Variants in SH3RF2 observed in about 807,000 individuals in gnomAD.
SH3RF2 encodes SH3 domain containing ring finger 2, also known as E3 ubiquitin-protein ligase SH3RF2.
SH3RF2 carries 43 observed loss-of-function variants against 59.0 expected under a neutral mutation model. The observed-to-expected ratio is 0.73, with a 90% CI of 0.57 to 0.94. SH3RF2 has a LOEUF of 0.94. SH3RF2 is among the 40% of genes least tolerant of loss of function. The pLI, the probability that SH3RF2 is intolerant of heterozygous loss-of-function variation, is 0.00. For synonymous variants in SH3RF2, 391 were observed against 391.5 expected (o/e 1.00, Z 0.01); for missense variants, 930 against 940.1 (o/e 0.99, Z 0.14).
In SH3RF2 at chr5:146,004,057, G is replaced by A; in HGVS notation, c.649-1G>A. ...GCTGACCATGAGACTTTCTCTTTCA[G>A]GACGATATCATCACTGTGATCAGCC... On this transcript the variant is annotated splice_acceptor_variant, in intron 3 of 9. Transcript: ENST00000359120. LOFTEE classifies it high-confidence loss of function. 6.2e-7 allele frequency: 1 copy of A among 1,611,312 alleles called. No homozygotes were observed. Among genetic ancestry groups the A allele is most frequent in the South Asian group, 1.1e-5 (1 of 90,854 alleles).
At position 146,062,664 on chromosome 5, in the gene SH3RF2, C is replaced by T. The variant is rs960386854; in HGVS notation, c.2153C>T (p.Thr718Ile). Residue 718 changes from threonine to isoleucine, a missense_variant, in exon 10 of 10, where the codon ACT becomes ATT. By Grantham distance (89) the Thr-to-Ile change is moderately conservative. Coordinates refer to ENST00000359120, the MANE Select transcript of SH3RF2 (RefSeq NM_152550.4). Reference protein sequence around the residue: ...ALGKATTLVSTASGTQTVFPS... With the variant: ...ALGKATTLVSIASGTQTVFPS... ...GGCAAGGCCACAACCCTGGTGTCCACTGCCTCAGGCACGCAGACCGTGTTT... is the reference window on the plus strand; with the variant it reads ...GGCAAGGCCACAACCCTGGTGTCCATTGCCTCAGGCACGCAGACCGTGTTT... 6.2e-7 allele frequency: 1 copy of T among 1,613,994 alleles called. No individual in the cohort carries two copies. Among genetic ancestry groups the T allele is most frequent in the African/African-American group, 1.3e-5 (1 of 74,934 alleles).
At chr5:146,038,100 C>G (rs927489956) in intron 5 of SH3RF2, among the ~76,000 whole-genome samples, 5 of 152,016 alleles carry the variant, frequency 3.3e-5, no homozygotes, top group Non-Finnish European at 5.9e-5. Context: ...TCAATAGGTA[C>G]AGAAAATGTT....
At chr5:145,956,810 T>C (rs1195568255) in intron 2 of SH3RF2, among the ~76,000 whole-genome samples, 3 of 152,090 alleles carry the variant, frequency 2.0e-5, no homozygotes, top group Admixed American at 1.3e-4. Flanking sequence ...GTTACCTAGG[T>C]AATTTGGGAG....
chr5:146,041,709 C>A (rs1430588889), intron 5 of SH3RF2, among the ~76,000 whole-genome samples: 1 of 152,142 alleles, frequency 6.6e-6, no homozygotes, highest in Non-Finnish European at 1.5e-5. Flanking sequence ...GAGGACGTAT[C>A]ACCTGGGCCC....
chr5:146,000,185 G>A lies in SH3RF2; in HGVS notation c.506G>A (p.Gly169Asp), dbSNP rs1418700350. Residue 169 changes from glycine to aspartate, a missense_variant, in exon 3 of 10, where the codon GGC becomes GAC. Coordinates refer to ENST00000359120, the MANE Select transcript of SH3RF2 (RefSeq NM_152550.4). Reference sequence around the variant, plus strand: ...AATTGGTACCAGGGGGAAATCAATGGCATCAGCGGGAACTTCCCAGCCAGC... The same window carrying A: ...AATTGGTACCAGGGGGAAATCAATGACATCAGCGGGAACTTCCCAGCCAGC... ...DENWYQGEIN[G>D]ISGNFPASSV... 1.2e-6 allele frequency: 2 copies of A among 1,613,642 alleles called. No homozygotes were observed. The highest frequency in any genetic ancestry group is 1.7e-6 in the Non-Finnish European group (2 of 1,179,824).
chr5:145,964,421 T>C (rs1274433553), intron 2 of SH3RF2, among the ~76,000 whole-genome samples: 1 of 151,372 alleles, frequency 6.6e-6, no homozygotes, highest in African/African-American at 2.4e-5. Context: ...ATTCTCCTGC[T>C]TCAGGCTCCC....
intron 5 of SH3RF2, among the ~76,000 whole-genome samples, chr5:146,027,831 A>G (rs1236980912): frequency 6.6e-6 from 1 of 152,200 alleles, no homozygotes; most frequent in East Asian, 1.9e-4. Flanking sequence ...AGAAAGCGCC[A>G]GTACTCCTGG....
At chr5:145,982,963 G>T (rs146636102) in intron 2 of SH3RF2, among the ~76,000 whole-genome samples, 2 of 152,054 alleles carry the variant, frequency 1.3e-5, no homozygotes, top group African/African-American at 4.8e-5. Flanking sequence ...ATAATACCCC[G>T]CAATGTCATG....
Position 146,062,599 on chromosome 5 carries a change from C to A in SH3RF2, c.2088C>A (p.His696Gln). ...TVLFAHRSGC[H>Q]SGQQTDLRRK... is the part of the protein sequence containing the mutation. The stretch of plus-strand genomic sequence containing the variant: ...TATTTGCCCACCGAAGTGGCTGCCA[C>A]TCCGGACAGCAGACAGACCTCCGGA... Residue 696 changes from histidine (H) to glutamine (Q), a missense_variant, in exon 10 of 10, where the codon CAC becomes CAA. By Grantham distance (24) the His-to-Gln change is conservative (BLOSUM62 0). Coordinates refer to ENST00000359120, the MANE Select transcript of SH3RF2 (RefSeq NM_152550.4). The A allele has an allele frequency of 6.2e-7, 1 of 1,614,192 alleles. No homozygotes were observed. Among genetic ancestry groups the A allele is most frequent in the Non-Finnish European group, 8.5e-7 (1 of 1,180,012 alleles).
intron 5 of SH3RF2, among the ~76,000 whole-genome samples, chr5:146,026,595 A>G (rs1354847670): frequency 6.6e-6 from 1 of 152,202 alleles, no homozygotes; most frequent in Non-Finnish European, 1.5e-5. Flanking sequence ...ACACATTTAC[A>G]CAACAGACCT....
chr5:146,049,012 A>G (rs370411031), intron 6 of SH3RF2, 63 bp from the exon 7 acceptor site: 1 of 1,579,660 alleles, frequency 6.3e-7, no homozygotes, highest in Admixed American at 1.7e-5. Context: ...CCATTCCCCC[A>G]CTCCATGCCC....
intron 2 of SH3RF2, among the ~76,000 whole-genome samples, chr5:145,979,073 T>C (rs1393649780): frequency 1.3e-5 from 2 of 152,190 alleles, no homozygotes; most frequent in Non-Finnish European, 2.9e-5. Flanking sequence ...AAGAACTGAT[T>C]AAAGTCCTGG....
chr5:146,030,070 G>A (rs1761688047), intron 5 of SH3RF2, among the ~76,000 whole-genome samples: 1 of 152,188 alleles, frequency 6.6e-6, no homozygotes, highest in Non-Finnish European at 1.5e-5. Context: ...TTCTCACGCT[G>A]AGTATAGGGC....
intron 5 of SH3RF2, among the ~76,000 whole-genome samples, chr5:146,030,620 A>G (rs900442962): frequency 7.9e-5 from 12 of 152,202 alleles, no homozygotes; most frequent in African/African-American, 2.9e-4. Context: ...TCTGGAAATT[A>G]TCCACTGTTC....
rs577041563 is a variant in SH3RF2 at position 146,074,176 on chromosome 5, A to G, written c.*34-4284A>G. Among the ~76,000 whole-genome samples the G allele has an allele frequency of 5.3e-5, 8 of 151,868 alleles. No homozygotes were observed. The South Asian group carries it at 1.7e-3, about 32-fold the overall frequency. ...TGCCTCAGCCTCCCGAGTAGCTGGG[A>G]CTACAGGCGCCCAACACCACGCCCG... On this transcript the variant is annotated intron_variant, in intron 9 of 9. Coordinates refer to the SH3RF2 transcript ENST00000511217.
intron 2 of SH3RF2, among the ~76,000 whole-genome samples, chr5:145,958,821 C>G (rs954164182): frequency 4.6e-5 from 7 of 152,258 alleles, no homozygotes; most frequent in Admixed American, 2.0e-4. Context: ...AGCCTCCACA[C>G]CAGGCTGCAG....
At chr5:145,972,561 G>A (rs893346495) in intron 2 of SH3RF2, among the ~76,000 whole-genome samples, 17 of 152,130 alleles carry the variant, frequency 1.1e-4, no homozygotes, top group African/African-American at 3.9e-4. Context: ...CATCAGTGAC[G>A]GCCCAGAGCC....
chr5:146,054,284 G>T (rs573905725), intron 7 of SH3RF2, among the ~76,000 whole-genome samples: 79 of 152,258 alleles, frequency 5.2e-4, no homozygotes, highest in Non-Finnish European at 9.3e-4. Context: ...GTCACACCTT[G>T]GTCTATAAAG....
At position 146,062,790 on chromosome 5, in the gene SH3RF2, G is replaced by A; in HGVS notation, c.*89G>A. On this transcript the variant is annotated 3_prime_UTR_variant, in exon 10 of 10. Coordinates refer to ENST00000359120, the MANE Select transcript of SH3RF2 (RefSeq NM_152550.4). ...ACTGAGGGCATCCTGCCATTCTTTG[G>A]GGACTTGAGCATGGGTCCTTGTTCT... The A allele has an allele frequency of 2.6e-6, 4 of 1,511,810 alleles. No homozygotes were observed. Among genetic ancestry groups the A allele is most frequent in the South Asian group, 1.3e-5 (1 of 75,860 alleles). The allele number at this position is 1,511,810 out of a possible 1,614,324, so 93.6% of individuals were successfully genotyped here.
Sources: allele counts gnomAD v4.1 joint callset (sites outside exome capture counted in the v4.1 genomes callset), GRCh38; gene constraint gnomAD v4.1.1; transcripts MANE v1.5; gene names NCBI Gene and HGNC (gene_info 2026-07-23, HGNC 2026-07-21).